The following KITLG variants were observed in gnomAD, a reference collection of about 807,000 sequenced individuals.
KITLG encodes c-Kit ligand.
KITLG carries 13 observed loss-of-function variants against 34.1 expected under a neutral mutation model. That is an observed-to-expected ratio of 0.38 (90% CI 0.25 to 0.61). The LOEUF is 0.61. KITLG is among the 20% of genes least tolerant of loss of function. The pLI is 0.60. For missense variants in KITLG, 292 were observed against 318.9 expected, an observed-to-expected ratio of 0.92 and a Z score of 0.64; for synonymous variants, 110 against 104.0, an observed-to-expected ratio of 1.06 and a Z score of -0.35.
intron 4 of KITLG, among the ~76,000 whole-genome samples, chr12:88,516,923 G>A (rs1815143328): frequency 6.6e-6 from 1 of 151,370 alleles, no homozygotes; most frequent in Non-Finnish European, 1.5e-5. Context: ...TATTGGCAAG[G>A]GAACTCTTAC....
chr12:88,532,414 T>C (rs766787298), intron 3 of KITLG, 27 bp downstream of exon 3: 1 of 1,534,592 alleles, frequency 6.5e-7, no homozygotes. Flanking sequence ...GCTACTAAAA[T>C]GAAACTCAGA....
intron 1 of KITLG, among the ~76,000 whole-genome samples, chr12:88,570,443 G>C (rs537212840): frequency 1.8e-4 from 28 of 152,046 alleles, no homozygotes; most frequent in African/African-American, 6.3e-4. Flanking sequence ...CACTCAACCA[G>C]AGGACTCAGC....
rs77435324 is a variant in KITLG at position 88,559,489 on chromosome 12, G to A, written c.16-13624C>T. On this transcript the variant is annotated intron_variant, in intron 1 of 9. Coordinates refer to ENST00000644744, the MANE Select transcript of KITLG (RefSeq NM_000899.5). Reference sequence around the variant, plus strand: ...AGCTCAGCTTGCAGTCTGCTCCTACGGCCCTTCCAAAAATTCCACAGGCCA... The same window carrying A: ...AGCTCAGCTTGCAGTCTGCTCCTACAGCCCTTCCAAAAATTCCACAGGCCA... Among the ~76,000 whole-genome samples the A allele has an allele frequency of 2.4e-3, 364 of 152,178 alleles. 2 individuals are homozygous for A. Among genetic ancestry groups the A allele is most frequent in the African/African-American group, 7.8e-3 (325 of 41,504 alleles).
intron 2 of KITLG, among the ~76,000 whole-genome samples, chr12:88,541,510 A>C (rs991837176): frequency 6.6e-6 from 1 of 152,196 alleles, no homozygotes; most frequent in Non-Finnish European, 1.5e-5. Context: ...AGAGAAAACT[A>C]GTTTGAACTT....
At chr12:88,580,227 T>A (rs538225484) in intron 1 of KITLG, 37 bp downstream of exon 1, 1 of 1,596,634 alleles carries the variant, frequency 6.3e-7, no homozygotes, top group African/African-American at 1.3e-5. Flanking sequence ...CGATTTTTCC[T>A]GGAGAGCCTG....
intron 8 of KITLG, 144 bp from the exon 9 acceptor site, chr12:88,505,379 T>C: frequency 2.9e-6 from 2 of 684,004 alleles, no homozygotes; most frequent in Non-Finnish European, 5.3e-6. Flanking sequence ...TACCTTCTTA[T>C]TACTATAGGG....
rs367682039 is a variant in KITLG, at chr12:88,555,668, C to A, written c.16-9803G>T. On this transcript the variant is annotated intron_variant, in intron 1 of 9. Coordinates refer to ENST00000644744, the MANE Select transcript of KITLG (RefSeq NM_000899.5). ...AGTCGAGCAGGTAAATCAAGTTACA[C>A]TTAGCTATAGCTTAAACAAAAATTT... 2.2e-3 allele frequency among the ~76,000 whole-genome samples: 334 copies of A among 152,234 alleles called. 1 individual carries two copies. Among genetic ancestry groups the A allele is most frequent in the African/African-American group, 7.9e-3 (327 of 41,536 alleles).
intron 2 of KITLG, among the ~76,000 whole-genome samples, chr12:88,544,274 C>G (rs1870628536): frequency 1.3e-5 from 2 of 152,104 alleles, no homozygotes; most frequent in Non-Finnish European, 2.9e-5. Context: ...AATTTATCCT[C>G]AGATCCCGCT....
intron 2 of KITLG, chr12:88,534,567 A>G (rs1307425345): frequency 7.4e-6 from 3 of 404,654 alleles, no homozygotes; most frequent in Admixed American, 3.8e-5. Context: ...GGGTTTTGCT[A>G]TGTTGGCCAG....
chr12:88,551,139 T>C (rs1316999120), intron 1 of KITLG, among the ~76,000 whole-genome samples: 1 of 152,198 alleles, frequency 6.6e-6, no homozygotes, highest in Non-Finnish European at 1.5e-5. Context: ...TATAAATAAA[T>C]TCATATTGTA....
chr12:88,519,029 CT>C, intron 3 of KITLG, among the ~76,000 whole-genome samples, 162 bp from the exon 4 acceptor site: 1 of 152,074 alleles, frequency 6.6e-6, no homozygotes, highest in Non-Finnish European at 1.5e-5. Context: ...TGCCTGGCTA[CT>C]TTTTTATTTT....
intron 1 of KITLG, among the ~76,000 whole-genome samples, chr12:88,558,283 A>G (rs1254743649): frequency 2.0e-5 from 3 of 152,208 alleles, no homozygotes; most frequent in Non-Finnish European, 4.4e-5. Flanking sequence ...CTGAGGAAGC[A>G]GCTCAGAAAA....
At chr12:88,539,360 G>A (rs1870437962) in intron 2 of KITLG, among the ~76,000 whole-genome samples, 2 of 152,042 alleles carry the variant, frequency 1.3e-5, no homozygotes, top group South Asian at 4.1e-4. Flanking sequence ...AAGAGTCTAT[G>A]ATTTTCAGAC....
At chr12:88,507,467 C>G (rs1425033329) in intron 6 of KITLG, among the ~76,000 whole-genome samples, 2 of 152,154 alleles carry the variant, frequency 1.3e-5, no homozygotes, top group South Asian at 2.1e-4. Context: ...ATCTCCCATG[C>G]CTTTATCTTC....
At chr12:88,577,740 G>A (rs1177418883) in intron 1 of KITLG, among the ~76,000 whole-genome samples, 1 of 152,136 alleles carries the variant, frequency 6.6e-6, no homozygotes, top group African/African-American at 2.4e-5. Context: ...GTACCAACAT[G>A]CTAAATGAAT....
At chr12:88,538,749 C>T (rs1870416457) in intron 2 of KITLG, among the ~76,000 whole-genome samples, 1 of 151,966 alleles carries the variant, frequency 6.6e-6, no homozygotes. Context: ...ATCTGTTCTA[C>T]TAAAGAAATT....
intron 9 of KITLG, among the ~76,000 whole-genome samples, chr12:88,503,223 A>G (rs938546659): frequency 6.6e-6 from 1 of 152,236 alleles, no homozygotes; most frequent in Non-Finnish European, 1.5e-5. Flanking sequence ...ATATCATGTT[A>G]TCTTGAGTTG....
chr12:88,505,362 G>C (rs552892091), intron 8 of KITLG, 127 bp from the exon 9 acceptor site: 2 of 713,854 alleles, frequency 2.8e-6, no homozygotes, highest in South Asian at 3.1e-5. Context: ...AAATTGAATG[G>C]GGAGCCTACC....
chr12:88,551,479 A>G (rs569684355), intron 1 of KITLG, among the ~76,000 whole-genome samples: 149 of 152,366 alleles, frequency 9.8e-4, no homozygotes, highest in African/African-American at 3.4e-3. Flanking sequence ...GGTTCATCAA[A>G]TAAAAGGAAG....
Sources: allele counts gnomAD v4.1 joint callset (sites outside exome capture counted in the v4.1 genomes callset), GRCh38; gene constraint gnomAD v4.1.1; transcripts MANE v1.5; gene names NCBI Gene and HGNC (gene_info 2026-07-23, HGNC 2026-07-21).